Variants in GGT1 observed in about 807,000 individuals in gnomAD.
The protein encoded by GGT1 is glutathione hydrolase 1 proenzyme.
GGT1 carries 21 observed loss-of-function variants against 56.0 expected under a neutral mutation model. That is an observed-to-expected ratio of 0.38 (90% confidence interval 0.27 to 0.54). The LOEUF is 0.54. Ranked by LOEUF, GGT1 falls within the 20% of genes least tolerant of loss-of-function variation. The pLI is 0.82. For synonymous variants in GGT1, 238 were observed against 342.6 expected (o/e 0.69, Z 3.37); for missense variants, 466 against 787.0 (o/e 0.59, Z 4.88).
rs1188695439 is a variant in GGT1 at position 24,603,438 on chromosome 22, G to A, written c.-518G>A. Reference sequence around the variant, plus strand: ...AGTTCCTCTTCCTCTCCAAGCCTCGGTTTATGTACCCGTGCAGTGGGAGTG... The same window carrying A: ...AGTTCCTCTTCCTCTCCAAGCCTCGATTTATGTACCCGTGCAGTGGGAGTG... On this transcript the variant is annotated 5_prime_UTR_variant, in exon 1 of 16. Coordinates refer to ENST00000400382, the MANE Select transcript of GGT1 (RefSeq NM_001288833.2). 1 of 152,324 alleles carries A rather than the reference G, an allele frequency of 6.6e-6. No individual in the cohort carries two copies. The highest frequency in any genetic ancestry group is 2.4e-5 in the African/African-American group (1 of 41,444). 9.4% of individuals were successfully genotyped at this position (152,324 alleles called of 1,614,324 possible).
At chr22:24,598,566 A>G (rs1056179091), upstream of GGT1, among the ~76,000 whole-genome samples, 2 of 151,988 alleles carry the variant, frequency 1.3e-5, no homozygotes, top group African/African-American at 4.8e-5. Flanking sequence ...AGCTGGACAC[A>G]TGGATGAGTT....
the GGT1 span, chr22:24,589,749 C>T: frequency 6.7e-7 from 1 of 1,487,330 alleles, no homozygotes; most frequent in Non-Finnish European, 8.9e-7. Flanking sequence ...CTCCCAGTCC[C>T]CAGCCCTGGG....
chr22:24,615,178 C>A, intron 7 of GGT1, 51 bp downstream of exon 7: 1 of 1,340,266 alleles, frequency 7.5e-7, no homozygotes, highest in Middle Eastern at 2.6e-4. Flanking sequence ...GCTGAGCCAC[C>A]GGGAAGGGGC....
Position 24,620,445 on chromosome 22 carries a change from G to T in GGT1, c.500G>T (p.Gly167Val). 3.1e-6 allele frequency: 5 copies of T among 1,611,812 alleles called. No homozygotes were observed. Among genetic ancestry groups the T allele is most frequent in the Non-Finnish European group, 4.2e-6 (5 of 1,179,786 alleles). ...FQPSIQLARQ[G>V]FPVGKGLAAA... The stretch of plus-strand genomic sequence containing the variant: ...CCCAGCATCCAGCTGGCCCGCCAGG[G>T]CTTCCCCGTGGGCAAGGGCTTGGCG... The change falls in exon 8 of 16, where the codon GGC becomes GTC. Residue 167 changes from glycine (G) to valine (V), a missense_variant. Around this residue, in one of 2 missense-constraint regions of GGT1, gnomAD observed 456 missense variants for 716.7 expected, o/e 0.64. Coordinates refer to ENST00000400382, the MANE Select transcript of GGT1 (RefSeq NM_001288833.2). The surrounding 1 kb of genome is among the most constrained non-coding windows in gnomAD (Gnocchi z 5.6).
chr22:24,618,919 C>G (rs2047235438), intron 7 of GGT1, among the ~76,000 whole-genome samples: 1 of 152,092 alleles, frequency 6.6e-6, no homozygotes, highest in Non-Finnish European at 1.5e-5. Flanking sequence ...AGGGGGGAAG[C>G]AGGCCCAGGG....
At chr22:24,611,932 C>T (rs1303780912) in intron 5 of GGT1, among the ~76,000 whole-genome samples, 1 of 152,008 alleles carries the variant, frequency 6.6e-6, no homozygotes, top group African/African-American at 2.4e-5. Flanking sequence ...TCAGCCTCCA[C>T]AGTAGCTGAG....
chr22:24,599,364 C>T (rs1414811231), upstream of GGT1: 1 of 94,472 alleles, frequency 1.1e-5, no homozygotes, highest in African/African-American at 3.9e-5. Flanking sequence ...TGCCCCACTC[C>T]AAAAAAAAAA....
At chr22:24,591,142 C>T (rs918200886), upstream of GGT1, among the ~76,000 whole-genome samples, 1 of 152,222 alleles carries the variant, frequency 6.6e-6, no homozygotes, top group African/African-American at 2.4e-5. Context: ...CGCAGTGGTG[C>T]GAGGTCAGCT....
chr22:24,623,768 C>T lies in GGT1; in HGVS notation c.884-12C>T. Reference sequence around the variant, plus strand: ...GGGGCTCAGCAACATGCACCTGGCTCTGATCAACCAGGGTACAACTTCTCC... The same window carrying T: ...GGGGCTCAGCAACATGCACCTGGCTTTGATCAACCAGGGTACAACTTCTCC... On this transcript the variant is annotated splice_polypyrimidine_tract_variant and intron_variant, in intron 10 of 15. Transcript: ENST00000400382. The T allele has an allele frequency of 6.2e-7, 1 of 1,611,662 alleles. No individual in the cohort carries two copies. The highest frequency in any genetic ancestry group is 1.1e-5 in the South Asian group (1 of 90,946).
chr22:24,586,106 C>G, the GGT1 span: 1 of 1,612,914 alleles, frequency 6.2e-7, no homozygotes. Context: ...CAGGTCCACC[C>G]AAGCCAAAGC....
chr22:24,624,390 C>T, intron 11 of GGT1: 5 of 985,388 alleles, frequency 5.1e-6, no homozygotes, highest in African/African-American at 1.7e-5. Flanking sequence ...CCCTATAAGA[C>T]CCTGTCATAT....
the GGT1 span, among the ~76,000 whole-genome samples, chr22:24,584,022 C>T: frequency 6.6e-6 from 1 of 152,236 alleles, no homozygotes; most frequent in Admixed American, 6.5e-5. Flanking sequence ...ATAGATTGCT[C>T]ACAGAATAAA....
rs1446288676 is a variant in GGT1, at chr22:24,623,295, A to G, written c.883+39A>G. 1.6e-5 allele frequency: 24 copies of G among 1,477,264 alleles called. No individual in the cohort carries two copies. The South Asian group carries it at 2.4e-4, about 15-fold the overall frequency. 91.5% of individuals were successfully genotyped at this position (1,477,264 alleles called of 1,614,324 possible). A position where few individuals can be genotyped will look rare whatever the true frequency, so the allele number is the denominator to read the frequency against. On this transcript the variant is annotated intron_variant, in intron 10 of 15. Transcript: ENST00000400382. The stretch of plus-strand genomic sequence containing the variant: ...CCACAGCCGTGTGGTAGGACCCATG[A>G]CACTGCCTCTCTCTCCCCACGCCCC...
intron 2 of GGT1, 123 bp downstream of exon 2, chr22:24,608,146 A>G (rs1055331772): frequency 2.3e-5 from 8 of 343,240 alleles, no homozygotes; most frequent in Admixed American, 2.0e-4. Flanking sequence ...GGTGAGAACC[A>G]GGCCTCTGGG....
At position 24,620,310 on chromosome 22, in the gene GGT1, A is replaced by G. The variant is rs4049843; in HGVS notation, c.383-18A>G. ...TGTCCCCCACTCAGGGTCACTAACT[A>G]TGGCTCTCTCTCCCCAGGGGGGCTG... is the stretch of plus-strand genomic sequence containing the variant. On this transcript the variant is annotated intron_variant, in intron 7 of 15. Transcript: ENST00000400382. The surrounding 1 kb of genome is among the most constrained non-coding windows in gnomAD (Gnocchi z 5.6). The G allele has an allele frequency of 1.9e-6, 3 of 1,610,738 alleles. No individual in the cohort carries two copies. The highest frequency in any genetic ancestry group is 1.7e-5 in the Admixed American group (1 of 59,844).
the GGT1 span, chr22:24,588,802 C>T: frequency 1.9e-5 from 19 of 1,013,854 alleles, no homozygotes; most frequent in East Asian, 2.8e-4. Context: ...AGCGAGACTG[C>T]GCCTGCGGGG....
At chr22:24,599,870 T>C (rs183375878), upstream of GGT1, among the ~76,000 whole-genome samples, 55 of 152,194 alleles carry the variant, frequency 3.6e-4, 2 homozygotes, top group Admixed American at 3.1e-3. Flanking sequence ...TGCTGCGCAG[T>C]TTTGGCATCA....
chr22:24,609,644 G>A (rs952812353), intron 2 of GGT1: 6 of 283,252 alleles, frequency 2.1e-5, no homozygotes, highest in Admixed American at 4.9e-5. Flanking sequence ...GGGGCTCATT[G>A]GAGGGGCTTG....
upstream of GGT1, chr22:24,592,575 C>G: frequency 2.1e-6 from 1 of 469,634 alleles, no homozygotes. Context: ...ACACACACAA[C>G]CCCTCTCAAA....
Sources: gnomAD v4.1 joint callset for allele counts (sites outside exome capture counted in the v4.1 genomes callset) on GRCh38, gnomAD v4.1.1 for gene constraint, gnomAD v4.1.1 regional missense constraint, Gnocchi (gnomAD v3.1) non-coding constraint, MANE v1.5 for transcripts, NCBI Gene and HGNC (gene_info 2026-07-23, HGNC 2026-07-21) for gene names.